The following TRAFD1 variants were observed in gnomAD, a reference collection of about 807,000 sequenced individuals.
The protein encoded by TRAFD1 is TRAF-type zinc finger domain containing 1.
Under a neutral mutation model 65.3 loss-of-function variants are expected in TRAFD1, and 38 were observed. That is an observed-to-expected ratio of 0.58 (90% CI 0.45 to 0.76). The LOEUF is 0.76. Among genes scored for constraint, TRAFD1 ranks in the 30% least tolerant of loss-of-function variants. The probability of loss-of-function intolerance (pLI) is 0.00; values close to 1 mark genes in which losing one functional copy is unlikely to be tolerated. For synonymous variants in TRAFD1, 223 were observed against 257.2 expected (o/e 0.87, Z 1.27); for missense variants, 631 against 712.6 (o/e 0.89, Z 1.30).
intron 9 of TRAFD1, 52 bp from the exon 10 acceptor site, chr12:112,151,749 C>T: frequency 6.5e-7 from 1 of 1,542,250 alleles, no homozygotes; most frequent in Non-Finnish European, 8.8e-7. Context: ...AAACCTGGCA[C>T]TATAGCCAGA....
chr12:112,150,276 G>C (rs1356240868), intron 9 of TRAFD1, among the ~76,000 whole-genome samples: 1 of 152,086 alleles, frequency 6.6e-6, no homozygotes, highest in Non-Finnish European at 1.5e-5. Context: ...TAGAGACAGA[G>C]TCTTGCTCTG....
At chr12:112,145,561 T>G in intron 6 of TRAFD1, 25 bp from the exon 7 acceptor site, 1 of 1,612,620 alleles carries the variant, frequency 6.2e-7, no homozygotes, top group Non-Finnish European at 8.5e-7. Flanking sequence ...TCATCCTGAG[T>G]CTCATTGTGT....
chr12:112,151,329 T>C (rs1278297234), intron 9 of TRAFD1, among the ~76,000 whole-genome samples: 1 of 152,100 alleles, frequency 6.6e-6, no homozygotes, highest in Non-Finnish European at 1.5e-5. Flanking sequence ...TGTGCAGAAT[T>C]GATAAAATAT....
Position 112,130,215 on chromosome 12 carries a change from G to A in TRAFD1, c.-12-296G>A, listed in dbSNP as rs555477050. On this transcript the variant is annotated intron_variant, in intron 1 of 11. Coordinates refer to ENST00000412615, the MANE Select transcript of TRAFD1 (RefSeq NM_006700.3). This position sits in a 1 kb window ranked among gnomAD's most constrained non-coding sequence, Gnocchi z 4.4. ...TTAAACTCCTGGGCTCAAGTGATCC[G>A]CCTGCCTCGGCCTCCCAAAGTACTG... Among the ~76,000 whole-genome samples, 6 of 151,056 alleles carry A rather than the reference G, an allele frequency of 4.0e-5. No homozygotes were observed. The highest frequency in any genetic ancestry group is 4.4e-5 in the Non-Finnish European group (3 of 67,826).
At position 112,137,489 on chromosome 12, in the gene TRAFD1, G is replaced by T. The variant is rs2029940526; in HGVS notation, c.237+2423G>T. Reference sequence around the variant, plus strand: ...CTTGATCTTCATTTCTTGGCTGGGCGCAGTGGCTCACGCCTGTAATCCCAG... The same window carrying T: ...CTTGATCTTCATTTCTTGGCTGGGCTCAGTGGCTCACGCCTGTAATCCCAG... On this transcript the variant is annotated intron_variant, in intron 4 of 11. Transcript: ENST00000412615. This position sits in a 1 kb window ranked among gnomAD's most constrained non-coding sequence, Gnocchi z 4.2. Among the ~76,000 whole-genome samples the T allele has an allele frequency of 6.6e-6, 1 of 152,154 alleles. No homozygotes were observed. The highest frequency in any genetic ancestry group is 2.4e-5 in the African/African-American group (1 of 41,446).
Position 112,152,243 on chromosome 12 carries a change from G to T in TRAFD1, c.1619+103G>T. 7.0e-7 allele frequency: 1 copy of T among 1,426,742 alleles called. No homozygotes were observed. The highest frequency in any genetic ancestry group is 9.5e-7 in the Non-Finnish European group (1 of 1,050,896). 88.4% of individuals were successfully genotyped at this position (1,426,742 alleles called of 1,614,324 possible). On this transcript the variant is annotated intron_variant, in intron 10 of 11. Coordinates refer to ENST00000412615, the MANE Select transcript of TRAFD1 (RefSeq NM_006700.3). The surrounding 1 kb of genome is among the most constrained non-coding windows in gnomAD (Gnocchi z 5.0). The stretch of plus-strand genomic sequence containing the variant: ...GGCCTGGGGTAAGACTGAGGTACTT[G>T]CATGGTAAGGGGAGGAGTATGGATT...
At chr12:112,132,000 A>C (rs1309954862) in intron 2 of TRAFD1, among the ~76,000 whole-genome samples, 3 of 152,130 alleles carry the variant, frequency 2.0e-5, no homozygotes, top group Admixed American at 6.6e-5. Context: ...GGCCTTGTGT[A>C]TGTAGTATGT....
intron 8 of TRAFD1, among the ~76,000 whole-genome samples, 168 bp downstream of exon 8, chr12:112,148,472 C>T (rs1226771933): frequency 6.6e-6 from 1 of 152,212 alleles, no homozygotes; most frequent in East Asian, 1.9e-4. Flanking sequence ...TAACCAATAC[C>T]GCAGGCTTTC....
intron 3 of TRAFD1, 27 bp downstream of exon 3, chr12:112,134,900 A>G: frequency 6.2e-7 from 1 of 1,611,690 alleles, no homozygotes; most frequent in Non-Finnish European, 8.5e-7. Flanking sequence ...TCAAATGTTT[A>G]TACATGTGTT....
At chr12:112,150,454 G>A (rs1366467606) in intron 9 of TRAFD1, among the ~76,000 whole-genome samples, 1 of 152,098 alleles carries the variant, frequency 6.6e-6, no homozygotes, top group East Asian at 1.9e-4. Flanking sequence ...TTGCTATGTT[G>A]CCCAGGGTGA....
intron 2 of TRAFD1, among the ~76,000 whole-genome samples, chr12:112,131,560 G>T (rs1031896123): frequency 6.6e-6 from 1 of 152,200 alleles, no homozygotes; most frequent in Non-Finnish European, 1.5e-5. Context: ...AAGTTCTTGG[G>T]AATTTTTCTG....
At chr12:112,147,025 A>AGT (rs1423264267) in intron 7 of TRAFD1, among the ~76,000 whole-genome samples, 1 of 97,282 alleles carries the variant, frequency 1.0e-5, no homozygotes, top group Non-Finnish European at 1.8e-5. Flanking sequence ...TTTGAGATGG[A>AGT]GTCTCACTCT....
chr12:112,135,137 GCCAGT>G (rs1377360179), intron 4 of TRAFD1, 71 bp downstream of exon 4: 9 of 1,571,034 alleles, frequency 5.7e-6, no homozygotes, highest in African/African-American at 1.4e-5. Flanking sequence ...AGAGCAGGAA[GCCAGT>G]CTGGTTGAGT....
At chr12:112,138,424 C>T (rs1398434759) in intron 4 of TRAFD1, among the ~76,000 whole-genome samples, 2 of 151,850 alleles carry the variant, frequency 1.3e-5, no homozygotes, top group African/African-American at 2.4e-5. Flanking sequence ...GTGCCGCATG[C>T]CTGTAATTCC....
In TRAFD1 at chr12:112,130,703, C is replaced by T; in HGVS notation, c.47+134C>T. ...AAGCTTTCTATTTTGGTGTTTATAA[C>T]CCACATGAATTACAAGAAAGAGCAT... On this transcript the variant is annotated intron_variant, in intron 2 of 11. Transcript: ENST00000412615. The surrounding 1 kb of genome is among the most constrained non-coding windows in gnomAD (Gnocchi z 4.4). The T allele has an allele frequency of 1.6e-6, 1 of 614,894 alleles. No homozygotes were observed. Among genetic ancestry groups the T allele is most frequent in the Non-Finnish European group, 2.7e-6 (1 of 375,002 alleles). 38.1% of individuals were successfully genotyped at this position (614,894 alleles called of 1,614,324 possible). A position where few individuals can be genotyped will look rare whatever the true frequency, so the allele number is the denominator to read the frequency against.
Position 112,142,249 on chromosome 12 carries a change from G to C in TRAFD1, c.804G>C (p.Glu268Asp). ...AEQDFWRAVC[E>D]ADQSHGGPRS... The stretch of plus-strand genomic sequence containing the variant: ...AGGACTTCTGGAGGGCCGTATGTGA[G>C]GCCGACCAGTCTCATGGCGGTCCCA... The change falls in exon 6 of 12, where the codon GAG (glutamate) becomes GAC (aspartate). Residue 268 changes from glutamate (E) to aspartate (D), a missense_variant. Transcript: ENST00000412615. The C allele has an allele frequency of 6.2e-7, 1 of 1,613,866 alleles. No individual in the cohort carries two copies. The highest frequency in any genetic ancestry group is 8.5e-7 in the Non-Finnish European group (1 of 1,179,862).
intron 4 of TRAFD1, among the ~76,000 whole-genome samples, chr12:112,139,227 G>A (rs2030014894): frequency 6.6e-6 from 1 of 151,900 alleles, no homozygotes; most frequent in Admixed American, 6.6e-5. Flanking sequence ...GCATATACCT[G>A]TGGTCCCAGC....
Position 112,151,879 on chromosome 12 carries a change from G to T in TRAFD1, c.1358G>T (p.Arg453Leu). The T allele has an allele frequency of 6.2e-7, 1 of 1,614,108 alleles. No homozygotes were observed. The highest frequency in any genetic ancestry group is 1.1e-5 in the South Asian group (1 of 91,082). ...CCCACCTCCTGTCTGCCTCCCAGCC[G>T]ACCCATTAACAATATGACAGCTACC... ...NGPTSCLPPSRPINNMTATYN... is the reference protein window; with the variant it reads ...NGPTSCLPPSLPINNMTATYN... The change falls in exon 10 of 12, where the codon CGA becomes CTA. Residue 453 changes from arginine to leucine, a missense_variant. Coordinates refer to ENST00000412615, the MANE Select transcript of TRAFD1 (RefSeq NM_006700.3).
chr12:112,140,519 G>T (rs1310457636), intron 4 of TRAFD1, among the ~76,000 whole-genome samples: 1 of 151,718 alleles, frequency 6.6e-6, no homozygotes. Flanking sequence ...CTTGTTATTT[G>T]CTCCTGGGCT....
Sources: allele counts gnomAD v4.1 joint callset (sites outside exome capture counted in the v4.1 genomes callset), GRCh38; gene constraint gnomAD v4.1.1; non-coding constraint Gnocchi (gnomAD v3.1); transcripts MANE v1.5; gene names NCBI Gene and HGNC (gene_info 2026-07-23, HGNC 2026-07-21).